PPP1R16B: variants seen among roughly 807,000 people sequenced by gnomAD.
PPP1R16B encodes protein phosphatase 1 regulatory inhibitor subunit 16B.
A neutral mutation model predicts 61.7 loss-of-function variants in PPP1R16B; 14 were observed. The ratio of observed to expected loss-of-function variants is 0.23; its 90% CI spans 0.15 to 0.35. The LOEUF (loss-of-function observed/expected upper bound fraction) is 0.35, where lower values mean the gene tolerates loss of function less well. Ranked by LOEUF, PPP1R16B falls within the 10% of genes least tolerant of loss-of-function variation. The probability of loss-of-function intolerance (pLI) is 1.00; values close to 1 mark genes in which losing one functional copy is unlikely to be tolerated. For synonymous variants in PPP1R16B, 266 were observed against 305.3 expected (o/e 0.87, Z 1.34); for missense variants, 547 against 752.5 (o/e 0.73, Z 3.19).
chr20:38,832,425 A>G (rs553001005), intron 1 of PPP1R16B, among the ~76,000 whole-genome samples: 45 of 152,300 alleles, frequency 3.0e-4, no homozygotes, highest in Non-Finnish European at 5.9e-4. Flanking sequence ...GACTATAATA[A>G]TGATATTGTG....
chr20:38,852,468 C>T (rs2084975327), intron 2 of PPP1R16B, among the ~76,000 whole-genome samples: 1 of 152,156 alleles, frequency 6.6e-6, no homozygotes, highest in Admixed American at 6.5e-5. Context: ...GCTGGTCAAC[C>T]ATGGTCGATC....
chr20:38,812,428 C>T (rs2084707176), intron 1 of PPP1R16B, among the ~76,000 whole-genome samples: 1 of 152,246 alleles, frequency 6.6e-6, no homozygotes, highest in African/African-American at 2.4e-5. Flanking sequence ...ATGTGATAGG[C>T]CTTGGATTAA....
rs1387026004 is a variant in PPP1R16B, at chr20:38,907,545, G to C, written c.899-261G>C. Among the ~76,000 whole-genome samples the C allele has an allele frequency of 1.3e-5, 2 of 152,134 alleles. No homozygotes were observed. The highest frequency in any genetic ancestry group is 4.8e-5 in the African/African-American group (2 of 41,414). On this transcript the variant is annotated intron_variant, in intron 8 of 10. Coordinates refer to ENST00000299824, the MANE Select transcript of PPP1R16B (RefSeq NM_015568.4). The surrounding 1 kb of genome is among the most constrained non-coding windows in gnomAD (Gnocchi z 4.5). Reference sequence around the variant, plus strand: ...GGGACTCTTCTTGGAAACTATCAAAGAGCAACATGAATCCCTCGGTCATAG... The same window carrying C: ...GGGACTCTTCTTGGAAACTATCAAACAGCAACATGAATCCCTCGGTCATAG...
At chr20:38,808,521 C>T (rs1286118169) in intron 1 of PPP1R16B, among the ~76,000 whole-genome samples, 1 of 152,146 alleles carries the variant, frequency 6.6e-6, no homozygotes, top group Admixed American at 6.5e-5. Context: ...AAGAAGGGCT[C>T]GGACAAGCCT....
At position 38,806,737 on chromosome 20, in the gene PPP1R16B, G is replaced by A. The variant is rs2084664593; in HGVS notation, c.-102+945G>A. 1.3e-5 allele frequency among the ~76,000 whole-genome samples: 2 copies of A among 152,268 alleles called. No homozygotes were observed. The highest frequency in any genetic ancestry group is 3.4e-3 in the Middle Eastern group (1 of 294). Reference sequence around the variant, plus strand: ...CTCCCCCACCCCGGCCCGGCCTCCAGCTTCACTGGAGATGCTGATGATGCA... The same window carrying A: ...CTCCCCCACCCCGGCCCGGCCTCCAACTTCACTGGAGATGCTGATGATGCA... On this transcript the variant is annotated intron_variant, in intron 1 of 10. Transcript: ENST00000299824. This position sits in a 1 kb window ranked among gnomAD's most constrained non-coding sequence, Gnocchi z 4.5.
At chr20:38,867,318 A>T (rs1013399501) in intron 2 of PPP1R16B, among the ~76,000 whole-genome samples, 5 of 152,060 alleles carry the variant, frequency 3.3e-5, no homozygotes, top group African/African-American at 1.2e-4. Flanking sequence ...GGGGATGGGG[A>T]TAGTTAAAGA....
At chr20:38,876,593 G>C (rs2085169198) in intron 2 of PPP1R16B, among the ~76,000 whole-genome samples, 1 of 151,000 alleles carries the variant, frequency 6.6e-6, no homozygotes, top group Non-Finnish European at 1.5e-5. Flanking sequence ...AATTAAGCCA[G>C]ATTTGGTTTG....
chr20:38,823,605 C>T (rs781244150), intron 1 of PPP1R16B, among the ~76,000 whole-genome samples: 14 of 151,670 alleles, frequency 9.2e-5, no homozygotes, highest in Non-Finnish European at 1.8e-4. Flanking sequence ...AGTGCCACTG[C>T]ACTCCAGCCT....
At chr20:38,875,783 A>C (rs1015655545) in intron 2 of PPP1R16B, among the ~76,000 whole-genome samples, 9 of 150,730 alleles carry the variant, frequency 6.0e-5, no homozygotes, top group Non-Finnish European at 1.2e-4. Context: ...CAGAAGCAAC[A>C]GCAGGCTCTC....
At chr20:38,891,447 C>T (rs1031963704) in intron 3 of PPP1R16B, among the ~76,000 whole-genome samples, 3 of 152,128 alleles carry the variant, frequency 2.0e-5, no homozygotes, top group Non-Finnish European at 4.4e-5. Context: ...TGACCACTTC[C>T]CTGCAAATTA....
Position 38,918,438 on chromosome 20 carries a change from G to C in PPP1R16B, c.1476G>C (p.Leu492=), listed in dbSNP as rs1324602853. ...AGCGGCAGCGGGCTGCAGCCAAGCT[G>C]CTCAGCCACCCCTTCCTTAGCACAC... ...ELKRQRAAAK[L]LSHPFLSTHL... The change falls in exon 11 of 11, where the codon CTG becomes CTC. Residue 492 remains leucine, a synonymous_variant. Transcript: ENST00000299824. This position sits in a 1 kb window ranked among gnomAD's most constrained non-coding sequence, Gnocchi z 5.3. 6.2e-7 allele frequency: 1 copy of C among 1,614,062 alleles called. No individual in the cohort carries two copies. The highest frequency in any genetic ancestry group is 8.5e-7 in the Non-Finnish European group (1 of 1,180,056).
At chr20:38,916,448 T>C (rs1041111510) in intron 10 of PPP1R16B, among the ~76,000 whole-genome samples, 13 of 145,984 alleles carry the variant, frequency 8.9e-5, no homozygotes, top group African/African-American at 3.5e-4. Context: ...TAAACTAGAT[T>C]ATATATATAT....
intron 1 of PPP1R16B, among the ~76,000 whole-genome samples, chr20:38,824,711 C>G (rs765037741): frequency 6.6e-6 from 1 of 152,220 alleles, no homozygotes; most frequent in Non-Finnish European, 1.5e-5. Context: ...CTTCAGTGAA[C>G]AAACTATATG....
Position 38,907,142 on chromosome 20 carries a change from G to C in PPP1R16B, c.898+88G>C. 1 of 1,077,618 alleles carries C rather than the reference G, an allele frequency of 9.3e-7. No individual in the cohort carries two copies. Among genetic ancestry groups the C allele is most frequent in the Non-Finnish European group, 1.4e-6 (1 of 702,730 alleles). 66.8% of individuals were successfully genotyped at this position (1,077,618 alleles called of 1,614,324 possible). On this transcript the variant is annotated intron_variant, in intron 8 of 10. Transcript: ENST00000299824. This position sits in a 1 kb window ranked among gnomAD's most constrained non-coding sequence, Gnocchi z 4.5. ...GGGAGAAATAGATAAATATATGGTTGTATAGATTGATGGATTGGTGTCTAG... is the reference window on the plus strand; with the variant it reads ...GGGAGAAATAGATAAATATATGGTTCTATAGATTGATGGATTGGTGTCTAG...
chr20:38,915,839 A>G (rs985579388), intron 10 of PPP1R16B, among the ~76,000 whole-genome samples: 1 of 151,852 alleles, frequency 6.6e-6, no homozygotes, highest in African/African-American at 2.4e-5. Context: ...TGCATCCAAG[A>G]TGGGATCAGT....
chr20:38,894,076 C>T lies in PPP1R16B; in HGVS notation c.322-1489C>T, dbSNP rs1297931949. On this transcript the variant is annotated intron_variant, in intron 3 of 10. Transcript: ENST00000299824. ...AGGGTCACACCTTTCCCTGCCTGTC[C>T]GGAGAGAATGTCCTCAGACCTAGCC... 2.6e-5 allele frequency among the ~76,000 whole-genome samples: 4 copies of T among 152,312 alleles called. No homozygotes were observed. In the East Asian group the frequency reaches 5.8e-4, roughly 22 times the overall value.
At chr20:38,829,000 G>C (rs1188164278) in intron 1 of PPP1R16B, among the ~76,000 whole-genome samples, 1 of 152,178 alleles carries the variant, frequency 6.6e-6, no homozygotes, top group African/African-American at 2.4e-5. Flanking sequence ...GGAAGGCGGG[G>C]GTGTACCCTG....
chr20:38,911,635 C>G (rs1214308859), intron 10 of PPP1R16B, among the ~76,000 whole-genome samples: 1 of 151,680 alleles, frequency 6.6e-6, no homozygotes, highest in Non-Finnish European at 1.5e-5. Context: ...CTCCCAGGAT[C>G]AAGCGATTCT....
chr20:38,881,240 G>A (rs1192932792), intron 2 of PPP1R16B, among the ~76,000 whole-genome samples: 1 of 152,250 alleles, frequency 6.6e-6, no homozygotes. Context: ...GCTTCCCTGG[G>A]AGCAGCTATT....
Sources: allele counts gnomAD v4.1 joint callset (sites outside exome capture counted in the v4.1 genomes callset), GRCh38; gene constraint gnomAD v4.1.1; non-coding constraint Gnocchi (gnomAD v3.1); transcripts MANE v1.5; gene names NCBI Gene and HGNC (gene_info 2026-07-23, HGNC 2026-07-21).